Variants in HDAC9 observed in about 807,000 individuals in gnomAD.
HDAC9 encodes the protein MEF-2 interacting transcription repressor (MITR) protein.
HDAC9 carries 41 observed loss-of-function variants against 139.4 expected under a neutral mutation model. The ratio of observed to expected loss-of-function variants is 0.29; its 90% confidence interval spans 0.23 to 0.38. The LOEUF (loss-of-function observed/expected upper bound fraction) is 0.38. Among genes scored for constraint, HDAC9 ranks in the 10% least tolerant of loss-of-function variants. The pLI is 1.00. For missense variants in HDAC9, 1,147 were observed against 1,297.0 expected, an observed-to-expected ratio of 0.88 and a Z score of 1.78; for synonymous variants, 517 against 476.2, an observed-to-expected ratio of 1.09 and a Z score of -1.12.
chr7:18,248,301 A>G (rs1364892689), intron 2 of HDAC9, among the ~76,000 whole-genome samples: 1 of 152,226 alleles, frequency 6.6e-6, no homozygotes, highest in Admixed American at 6.5e-5. Flanking sequence ...CATTTCTTAT[A>G]TGCTCAATTA....
chr7:18,260,302 CTT>C (rs1232603943), intron 2 of HDAC9, among the ~76,000 whole-genome samples: 2 of 117,052 alleles, frequency 1.7e-5, no homozygotes, highest in East Asian at 5.5e-4. Context: ...GTGACAGACA[CTT>C]TTTTTTGTTT....
At chr7:18,260,311 GT>G (rs1356981975) in intron 2 of HDAC9, among the ~76,000 whole-genome samples, 10 of 55,036 alleles carry the variant, frequency 1.8e-4, no homozygotes, top group East Asian at 1.6e-3. Context: ...ACTTTTTTTT[GT>G]TTTTTTTTTT....
chr7:18,359,396 A>G (rs79901358), intron 1 of HDAC9, among the ~76,000 whole-genome samples: 18,949 of 152,170 alleles, frequency 0.12, 1,797 homozygotes, highest in East Asian at 0.28. Context: ...TGAAGGGACA[A>G]GGAGGGAAGG....
intron 22 of HDAC9, among the ~76,000 whole-genome samples, chr7:18,925,722 A>G (rs1406925279): frequency 6.6e-6 from 1 of 151,290 alleles, no homozygotes; most frequent in East Asian, 1.9e-4. Context: ...GGTGTGTTAT[A>G]TTTATTTGGA....
intron 22 of HDAC9, chr7:18,899,473 C>T (rs1415256747): frequency 2.0e-5 from 3 of 151,826 alleles, no homozygotes; most frequent in African/African-American, 7.3e-5. Flanking sequence ...GGAAGACTGT[C>T]GATTGCCAAT....
intron 1 of HDAC9, among the ~76,000 whole-genome samples, chr7:18,366,054 G>C (rs769659137): frequency 6.6e-6 from 1 of 150,958 alleles, no homozygotes; most frequent in Non-Finnish European, 1.5e-5. Flanking sequence ...CAAATGGCAG[G>C]CTATTTGAAA....
chr7:18,567,326 A>C (rs376195115), intron 2 of HDAC9, among the ~76,000 whole-genome samples: 1 of 152,196 alleles, frequency 6.6e-6, no homozygotes, highest in South Asian at 2.1e-4. Flanking sequence ...CAACCCCTAT[A>C]CAAGAGCATT....
chr7:18,762,986 A>C (rs780389509), intron 15 of HDAC9, among the ~76,000 whole-genome samples: 10 of 152,176 alleles, frequency 6.6e-5, no homozygotes, highest in Non-Finnish European at 1.3e-4. Flanking sequence ...CTGAAATGAT[A>C]ATATTGTTTT....
chr7:18,591,196 C>G (rs952119944), intron 4 of HDAC9, among the ~76,000 whole-genome samples: 2 of 152,228 alleles, frequency 1.3e-5, no homozygotes, highest in East Asian at 3.9e-4. Context: ...TTTTGTTCCT[C>G]TGCAGTATTT....
At chr7:18,524,581 C>A (rs894393863) in intron 2 of HDAC9, among the ~76,000 whole-genome samples, 4 of 151,996 alleles carry the variant, frequency 2.6e-5, no homozygotes, top group Non-Finnish European at 5.9e-5. Context: ...ACACCAATAG[C>A]ATAACGTTTA....
At chr7:18,530,691 C>T (rs901236845) in intron 2 of HDAC9, among the ~76,000 whole-genome samples, 6 of 151,912 alleles carry the variant, frequency 3.9e-5, no homozygotes, top group Non-Finnish European at 5.9e-5. Flanking sequence ...CATCTGGCTC[C>T]ATCCAGCTTC....
At chr7:18,416,056 G>A (rs1036736473) in intron 1 of HDAC9, among the ~76,000 whole-genome samples, 1 of 152,118 alleles carries the variant, frequency 6.6e-6, no homozygotes, top group African/African-American at 2.4e-5. Context: ...AACTTTGTGA[G>A]GCCAAGGTGG....
At chr7:18,828,845 G>A (rs920474843) in intron 17 of HDAC9, among the ~76,000 whole-genome samples, 1 of 152,180 alleles carries the variant, frequency 6.6e-6, no homozygotes, top group African/African-American at 2.4e-5. Context: ...AAAATAAGGA[G>A]TTGTTCTTGA....
At chr7:18,189,851 A>G (rs1205511371) in intron 2 of HDAC9, among the ~76,000 whole-genome samples, 1 of 152,168 alleles carries the variant, frequency 6.6e-6, no homozygotes, top group African/African-American at 2.4e-5. Context: ...TTTTAAGAGC[A>G]TGAGATATTT....
At chr7:18,979,994 A>T (rs553315265) in intron 25 of HDAC9, among the ~76,000 whole-genome samples, 15 of 152,308 alleles carry the variant, frequency 9.8e-5, no homozygotes, top group African/African-American at 2.9e-4. Flanking sequence ...AAATTTTTCA[A>T]TATAAATTTT....
intron 1 of HDAC9, among the ~76,000 whole-genome samples, chr7:18,160,659 C>G (rs534748855): frequency 9.2e-5 from 14 of 151,998 alleles, no homozygotes; most frequent in Non-Finnish European, 1.6e-4. Flanking sequence ...TTTTGTTGCC[C>G]AGGCTGGAGT....
intron 1 of HDAC9, among the ~76,000 whole-genome samples, chr7:18,439,834 TAC>T (rs966985729): frequency 1.9e-4 from 29 of 152,088 alleles, no homozygotes; most frequent in African/African-American, 7.0e-4. Flanking sequence ...TGAATGTACA[TAC>T]ACACACACAA....
chr7:18,975,257 C>T (rs1318550156), intron 24 of HDAC9, among the ~76,000 whole-genome samples: 1 of 152,212 alleles, frequency 6.6e-6, no homozygotes, highest in Non-Finnish European at 1.5e-5. Flanking sequence ...TGTTCTAGTA[C>T]ACACCCTGAG....
Position 18,775,298 on chromosome 7 carries a change from G to A in HDAC9, c.2214+8143G>A, listed in dbSNP as rs182485936. Among the ~76,000 whole-genome samples the A allele has an allele frequency of 1.4e-3, 212 of 152,132 alleles. 1 individual carries two copies. The highest frequency in any genetic ancestry group is 5.1e-3 in the African/African-American group (211 of 41,522). ...AGACAGGAAGTGAGCACATGCTGCT[G>A]GAAAAATGACGCCCATAGACTTGCT... On this transcript the variant is annotated intron_variant, in intron 16 of 25. Coordinates refer to ENST00000686413, the MANE Select transcript of HDAC9 (RefSeq NM_178425.4).
Sources: gnomAD v4.1 joint callset for allele counts (sites outside exome capture counted in the v4.1 genomes callset) on GRCh38, gnomAD v4.1.1 for gene constraint, MANE v1.5 for transcripts, NCBI Gene and HGNC (gene_info 2026-07-23, HGNC 2026-07-21) for gene names.